Variants in XKR4 observed in about 807,000 individuals in gnomAD.
The protein encoded by XKR4 is XK-related protein 4.
A neutral mutation model predicts 53.9 loss-of-function variants in XKR4; 12 were observed. That is an observed-to-expected ratio of 0.22 (90% CI 0.14 to 0.36). The LOEUF is 0.36. Ranked by LOEUF, XKR4 falls within the 10% of genes least tolerant of loss-of-function variation. The pLI, the probability that XKR4 is intolerant of heterozygous loss-of-function variation, is 1.00. For missense variants in XKR4, 799 were observed against 859.5 expected (o/e 0.93, Z 0.88); for synonymous variants, 354 against 362.4 (o/e 0.98, Z 0.26).
rs544895486 is a variant in XKR4 at position 55,118,130 on chromosome 8, T to C, written c.806+14836T>C. On this transcript the variant is annotated intron_variant, in intron 1 of 2. Transcript: ENST00000327381. The stretch of plus-strand genomic sequence containing the variant: ...CCTGGGCTAGATTTCTGATAAACTA[T>C]TCCTGGGATTGATGTGTCACACAGA... Among the ~76,000 whole-genome samples, 100 of 152,326 alleles carry C rather than the reference T, an allele frequency of 6.6e-4. 1 individual carries two copies. Among genetic ancestry groups the C allele is most frequent in the African/African-American group, 2.4e-3 (98 of 41,576 alleles).
chr8:55,103,859 A>ATG (rs1816097625), intron 1 of XKR4, among the ~76,000 whole-genome samples: 1 of 95,176 alleles, frequency 1.1e-5, no homozygotes, highest in Non-Finnish European at 2.0e-5. Flanking sequence ...TTGTATATAT[A>ATG]TATATATATA....
chr8:55,317,446 A>G (rs1409078187), intron 1 of XKR4, among the ~76,000 whole-genome samples: 1 of 152,224 alleles, frequency 6.6e-6, no homozygotes, highest in East Asian at 1.9e-4. Flanking sequence ...TTGATAAATT[A>G]AAATACCTCC....
intron 2 of XKR4, among the ~76,000 whole-genome samples, chr8:55,504,213 T>C (rs954759729): frequency 3.3e-5 from 5 of 151,594 alleles, no homozygotes; most frequent in African/African-American, 1.2e-4. Flanking sequence ...TTTTGTTTTG[T>C]TTTGTTTTGT....
chr8:55,453,057 C>T (rs1488486934), intron 2 of XKR4: 2 of 601,704 alleles, frequency 3.3e-6, no homozygotes, highest in African/African-American at 1.8e-5. Flanking sequence ...CCCCAACCTC[C>T]TGGGCTGGGG....
chr8:55,166,987 C>T (rs1358021587), intron 1 of XKR4, among the ~76,000 whole-genome samples: 2 of 152,146 alleles, frequency 1.3e-5, no homozygotes, highest in African/African-American at 2.4e-5. Context: ...ACATTTAAAG[C>T]TTTCAAGGGA....
At chr8:55,284,849 C>G (rs1462605729) in intron 1 of XKR4, among the ~76,000 whole-genome samples, 1 of 152,144 alleles carries the variant, frequency 6.6e-6, no homozygotes, top group Non-Finnish European at 1.5e-5. Context: ...GCATCAGCCT[C>G]AACTCCTTTT....
Position 55,164,949 on chromosome 8 carries a change from G to A in XKR4, c.806+61655G>A, listed in dbSNP as rs554792522. Among the ~76,000 whole-genome samples, 25 of 152,152 alleles carry A rather than the reference G, an allele frequency of 1.6e-4. 2 individuals carry two copies. The South Asian group carries it at 3.7e-3, about 23-fold the overall frequency. On this transcript the variant is annotated intron_variant, in intron 1 of 2. Transcript: ENST00000327381. The stretch of plus-strand genomic sequence containing the variant: ...CCATGTCCTATAGACCCTGTGTTCC[G>A]GATCCATCCTTTGAATTCACTCGGA...
intron 1 of XKR4, among the ~76,000 whole-genome samples, chr8:55,299,936 C>T (rs1190194266): frequency 1.3e-5 from 2 of 152,104 alleles, no homozygotes; most frequent in Non-Finnish European, 2.9e-5. Context: ...CACCAACTCA[C>T]ACTCACTGAA....
intron 1 of XKR4, among the ~76,000 whole-genome samples, chr8:55,249,585 G>A (rs191181835): frequency 6.6e-6 from 1 of 152,308 alleles, no homozygotes; most frequent in Non-Finnish European, 1.5e-5. Context: ...CAAGTTTTAA[G>A]CTTTGGAAAC....
chr8:55,145,874 A>G (rs1816767298), intron 1 of XKR4, among the ~76,000 whole-genome samples: 1 of 152,202 alleles, frequency 6.6e-6, no homozygotes, highest in Non-Finnish European at 1.5e-5. Flanking sequence ...TCTCATGGGG[A>G]GATTTGAGTG....
Position 55,323,938 on chromosome 8 carries a change from T to A in XKR4, c.807-33740T>A, listed in dbSNP as rs1197214758. ...TGTTTTTAAGTTTAATATTTCCATT[T>A]AGTTCACTTTTTATTCCTCTGCTTT... On this transcript the variant is annotated intron_variant, in intron 1 of 2. Transcript: ENST00000327381. 1.3e-3 allele frequency among the ~76,000 whole-genome samples: 192 copies of A among 152,336 alleles called. 4 individuals are homozygous for A. The highest frequency in any genetic ancestry group is 3.5e-3 in the African/African-American group (147 of 41,582).
At chr8:55,275,480 G>C (rs1163219440) in intron 1 of XKR4, among the ~76,000 whole-genome samples, 1 of 152,074 alleles carries the variant, frequency 6.6e-6, no homozygotes, top group East Asian at 1.9e-4. Flanking sequence ...TGGCTGAACA[G>C]GATAAATAGC....
intron 1 of XKR4, among the ~76,000 whole-genome samples, chr8:55,191,680 C>A (rs960573150): frequency 7.1e-6 from 1 of 140,116 alleles, no homozygotes; most frequent in Non-Finnish European, 1.5e-5. Context: ...TCTTTTAGTA[C>A]AATTCTTTTT....
intron 2 of XKR4, among the ~76,000 whole-genome samples, chr8:55,459,165 A>G (rs1805612389): frequency 6.6e-6 from 1 of 152,232 alleles, no homozygotes; most frequent in Non-Finnish European, 1.5e-5. Context: ...GGCCAAGACA[A>G]TTCATTAGAA....
chr8:55,208,290 T>C (rs1258458300), intron 1 of XKR4, among the ~76,000 whole-genome samples: 4 of 152,166 alleles, frequency 2.6e-5, no homozygotes, highest in African/African-American at 2.4e-5. Flanking sequence ...CCAATTCGCT[T>C]GTTCTGTGAC....
chr8:55,235,940 G>A (rs540080575), intron 1 of XKR4, among the ~76,000 whole-genome samples: 1 of 152,266 alleles, frequency 6.6e-6, no homozygotes, highest in East Asian at 1.9e-4. Flanking sequence ...TTGGCTCTGT[G>A]GTGAGCCAGC....
intron 2 of XKR4, among the ~76,000 whole-genome samples, chr8:55,456,166 T>A (rs189370542): frequency 5.6e-4 from 86 of 152,282 alleles, no homozygotes; most frequent in African/African-American, 2.0e-3. Context: ...GTGCAGTGGC[T>A]CACACCTGTA....
At chr8:55,433,556 C>T (rs186314142) in intron 2 of XKR4, among the ~76,000 whole-genome samples, 186 of 152,296 alleles carry the variant, frequency 1.2e-3, no homozygotes, top group African/African-American at 4.3e-3. Context: ...TTCTATGAGT[C>T]TATTTCACCC....
intron 1 of XKR4, among the ~76,000 whole-genome samples, chr8:55,317,638 A>T (rs1803111298): frequency 6.6e-6 from 1 of 152,222 alleles, no homozygotes. Flanking sequence ...GTCAGACCTC[A>T]GTCCATGCTA....
Sources: allele counts gnomAD v4.1 joint callset (sites outside exome capture counted in the v4.1 genomes callset), GRCh38; gene constraint gnomAD v4.1.1; transcripts MANE v1.5; gene names NCBI Gene and HGNC (gene_info 2026-07-23, HGNC 2026-07-21).